The following CEP152 variants were observed in gnomAD, a reference collection of about 807,000 sequenced individuals.
The protein encoded by CEP152 is centrosomal protein of 152 kDa.
CEP152 carries 132 observed loss-of-function variants against 188.9 expected under a neutral mutation model. That is an observed-to-expected ratio of 0.70 (90% CI 0.61 to 0.81). The LOEUF is 0.81. Among genes scored for constraint, CEP152 ranks in the 30% least tolerant of loss-of-function variants. The probability of loss-of-function intolerance (pLI) is 0.00; values close to 1 mark genes in which losing one functional copy is unlikely to be tolerated. For missense variants in CEP152, 1,914 were observed against 1,969.8 expected (o/e 0.97, Z 0.54); for synonymous variants, 649 against 666.6 (o/e 0.97, Z 0.41).
chr15:48,754,877 A>G (rs952877323), intron 20 of CEP152, among the ~76,000 whole-genome samples: 6 of 152,118 alleles, frequency 3.9e-5, no homozygotes, highest in Non-Finnish European at 7.4e-5. Flanking sequence ...ACTCAAGGTT[A>G]TTTTTTCTAG....
At chr15:48,801,957 C>T (rs996477199) in intron 2 of CEP152, among the ~76,000 whole-genome samples, 1 of 152,010 alleles carries the variant, frequency 6.6e-6, no homozygotes, top group Non-Finnish European at 1.5e-5. Context: ...ATTAGCCAGG[C>T]ATGGTGGTGC....
chr15:48,776,516 G>A (rs928280115), intron 12 of CEP152, among the ~76,000 whole-genome samples: 8 of 151,992 alleles, frequency 5.3e-5, no homozygotes, highest in African/African-American at 1.9e-4. Context: ...TACTTCTTTA[G>A]GAAGTAATCA....
intron 19 of CEP152, among the ~76,000 whole-genome samples, chr15:48,757,261 G>A (rs1894345344): frequency 6.6e-6 from 1 of 152,150 alleles, no homozygotes; most frequent in Admixed American, 6.5e-5. Flanking sequence ...CTTACCAGCT[G>A]AAGAACTAAA....
intron 19 of CEP152, among the ~76,000 whole-genome samples, chr15:48,757,010 G>A (rs1406221547): frequency 6.6e-6 from 1 of 152,100 alleles, no homozygotes; most frequent in Non-Finnish European, 1.5e-5. Context: ...TGCACTTTTA[G>A]TGGCTAGAAC....
intron 8 of CEP152, among the ~76,000 whole-genome samples, chr15:48,790,890 C>A (rs954269618): frequency 4.6e-5 from 7 of 152,084 alleles, no homozygotes; most frequent in Admixed American, 6.5e-5. Context: ...TTTAACCCTG[C>A]CCCCTGCCAA....
At position 48,803,831 on chromosome 15, in the gene CEP152, C is replaced by T. The variant is rs527833471; in HGVS notation, c.87+1732G>A. Among the ~76,000 whole-genome samples, 310 of 152,256 alleles carry T rather than the reference C, an allele frequency of 2.0e-3. 2 individuals are homozygous for T. The highest frequency in any genetic ancestry group is 0.014 in the Middle Eastern group (4 of 294). On this transcript the variant is annotated intron_variant, in intron 2 of 26. Transcript: ENST00000380950. ...AAAATCACCTGTCAAAATATTTTTT[C>T]TTCTTTACAGTAGTGATTATTTAAA...
chr15:48,784,153 CATAAAGAGTTTTA>C lies in CEP152; in HGVS notation c.1174-46_1174-34del, dbSNP rs1474253166. ...GAAAAAAAGTTCAGGAAGTCATTTTCATAAAGAGTTTTAATAAAGAGTAAACTAAAAATTATGA... is the reference window on the plus strand; with the variant it reads ...GAAAAAAAGTTCAGGAAGTCATTTTCATAAAGAGTAAACTAAAAATTATGA... On this transcript the variant is annotated intron_variant, in intron 9 of 26. Coordinates refer to ENST00000380950, the MANE Select transcript of CEP152 (RefSeq NM_001194998.2). 4 of 1,595,720 alleles carry C rather than the reference CATAAAGAGTTTTA, an allele frequency of 2.5e-6. No homozygotes were observed. The South Asian group carries it at 3.4e-5, about 13-fold the overall frequency.
chr15:48,747,313 A>G (rs1566978961), intron 22 of CEP152, among the ~76,000 whole-genome samples: 1 of 152,156 alleles, frequency 6.6e-6, no homozygotes, highest in Non-Finnish European at 1.5e-5. Flanking sequence ...GGACCCTGGC[A>G]TTTTGTTTTT....
In CEP152 at chr15:48,740,840, C is replaced by G. The variant is rs146481052; in HGVS notation, c.4093+761G>C. 886 of 168,336 alleles carry G rather than the reference C, an allele frequency of 5.3e-3. 8 individuals carry two copies. Among genetic ancestry groups the G allele is most frequent in the African/African-American group, 0.02 (849 of 41,416 alleles). 10.4% of individuals were successfully genotyped at this position (168,336 alleles called of 1,614,324 possible). ...GATTCTTTGTTCCTGTTGTTGTTGC[C>G]CAGCTCAATATTGAGGTTGGGGAAA... On this transcript the variant is annotated intron_variant, in intron 26 of 26. Transcript: ENST00000380950.
intron 5 of CEP152, among the ~76,000 whole-genome samples, chr15:48,796,509 A>T (rs2140903588): frequency 6.6e-6 from 1 of 152,320 alleles, no homozygotes; most frequent in South Asian, 2.1e-4. Flanking sequence ...GATTTAGATT[A>T]TGCCAACATC....
chr15:48,767,291 G>A (rs773690686), intron 16 of CEP152, 44 bp downstream of exon 16: 12 of 1,613,918 alleles, frequency 7.4e-6, no homozygotes, highest in Non-Finnish European at 1.0e-5. Flanking sequence ...ATAGGGGAAT[G>A]TAGTCTCTAC....
chr15:48,747,980 C>T (rs535007785), intron 22 of CEP152, among the ~76,000 whole-genome samples: 3 of 152,254 alleles, frequency 2.0e-5, no homozygotes, highest in African/African-American at 7.2e-5. Flanking sequence ...CTTAGTCAAA[C>T]CTTTCTTAAC....
Position 48,738,056 on chromosome 15 carries a change from A to G in CEP152, c.*193T>C. On this transcript the variant is annotated 3_prime_UTR_variant, in exon 27 of 27. Coordinates refer to ENST00000380950, the MANE Select transcript of CEP152 (RefSeq NM_001194998.2). The stretch of plus-strand genomic sequence containing the variant: ...AGCACCACACAAAAGCAGATTATAC[A>G]TACACCATCAGGCCTTTGGAATATT... 3.2e-6 allele frequency: 2 copies of G among 632,816 alleles called. No homozygotes were observed. The highest frequency in any genetic ancestry group is 5.3e-6 in the Non-Finnish European group (2 of 380,670). 39.2% of individuals were successfully genotyped at this position (632,816 alleles called of 1,614,324 possible). A position where few individuals can be genotyped will look rare whatever the true frequency, so the allele number is the denominator to read the frequency against.
intron 1 of CEP152, among the ~76,000 whole-genome samples, chr15:48,808,097 T>A (rs922867619): frequency 6.6e-6 from 1 of 151,988 alleles, no homozygotes; most frequent in Non-Finnish European, 1.5e-5. Flanking sequence ...AAGGGAAACC[T>A]GATCAACTTA....
downstream of CEP152, among the ~76,000 whole-genome samples, chr15:48,734,130 C>CTAT (rs1472087209): frequency 6.6e-6 from 1 of 151,516 alleles, no homozygotes. Context: ...TACATTTCTT[C>CTAT]TATTAAATTC....
Position 48,795,999 on chromosome 15 carries a change from T to C in CEP152, c.691+11A>G, listed in dbSNP as rs1897264727. On this transcript the variant is annotated intron_variant, in intron 6 of 26. Coordinates refer to ENST00000380950, the MANE Select transcript of CEP152 (RefSeq NM_001194998.2). The stretch of plus-strand genomic sequence containing the variant: ...GTGGTATTAAAAAATAAATATAAAC[T>C]TGATACCTACTCTCATTAGCTCCTA... 6.2e-7 allele frequency: 1 copy of C among 1,612,412 alleles called. No homozygotes were observed. The highest frequency in any genetic ancestry group is 1.3e-5 in the African/African-American group (1 of 74,896).
chr15:48,733,426 T>C (rs1039430374), downstream of CEP152, among the ~76,000 whole-genome samples: 17 of 152,180 alleles, frequency 1.1e-4, no homozygotes, highest in South Asian at 4.2e-4. Flanking sequence ...AACAGCAGAA[T>C]TGAGATGGCA....
At chr15:48,796,567 G>T (rs571214258) in intron 5 of CEP152, among the ~76,000 whole-genome samples, 2 of 151,992 alleles carry the variant, frequency 1.3e-5, no homozygotes, top group South Asian at 4.1e-4. Flanking sequence ...CATGGACCAC[G>T]GTGCCTCATA....
At chr15:48,762,697 G>A (rs375493116) in intron 17 of CEP152, 25 bp from the exon 18 acceptor site, 7 of 1,609,292 alleles carry the variant, frequency 4.3e-6, no homozygotes, top group South Asian at 3.3e-5. Flanking sequence ...AAAATCATAC[G>A]AGAAGAACAA....
Sources: gnomAD v4.1 joint callset for allele counts (sites outside exome capture counted in the v4.1 genomes callset) on GRCh38, gnomAD v4.1.1 for gene constraint, MANE v1.5 for transcripts, NCBI Gene and HGNC (gene_info 2026-07-23, HGNC 2026-07-21) for gene names.